The following CTNNA2 variants were observed in gnomAD, a reference collection of about 807,000 sequenced individuals.
The protein encoded by CTNNA2 is catenin alpha-2.
Under a neutral mutation model 101.0 loss-of-function variants are expected in CTNNA2, and 42 were observed. The observed-to-expected ratio is 0.42, with a 90% CI of 0.32 to 0.54. CTNNA2 has a LOEUF of 0.54. Ranked by LOEUF, CTNNA2 falls within the 20% of genes least tolerant of loss-of-function variation. The probability of loss-of-function intolerance (pLI) is 0.14; values close to 1 mark genes in which losing one functional copy is unlikely to be tolerated. For missense variants in CTNNA2, 871 were observed against 1,223.1 expected, an observed-to-expected ratio of 0.71 and a Z score of 4.29; for synonymous variants, 450 against 456.4, an observed-to-expected ratio of 0.99 and a Z score of 0.18.
At chr2:80,489,173 G>A (rs114003764) in intron 9 of CTNNA2, among the ~76,000 whole-genome samples, 2,226 of 152,226 alleles carry the variant, frequency 0.015, 45 homozygotes, top group African/African-American at 0.05. Flanking sequence ...CTCTGAGATG[G>A]ACATTTCTGC....
At chr2:80,212,127 T>C (rs1334714116) in intron 7 of CTNNA2, among the ~76,000 whole-genome samples, 2 of 152,146 alleles carry the variant, frequency 1.3e-5, no homozygotes, top group Non-Finnish European at 2.9e-5. Context: ...GCGGAGACAA[T>C]GGGGTTTTCT....
In CTNNA2 at chr2:80,152,731, CACTA is replaced by C. The variant is rs1487518315; in HGVS notation, c.1057-240477_1057-240474del. On this transcript the variant is annotated intron_variant, in intron 7 of 18. Coordinates refer to ENST00000402739, the MANE Select transcript of CTNNA2 (RefSeq NM_001282597.3). ...AAAAAAAGATTCAGAAAAATTTTCT[CACTA>C]ACACAAATCTGTTATTCATTAAATA... 7.2e-5 allele frequency among the ~76,000 whole-genome samples: 11 copies of C among 151,914 alleles called. No homozygotes were observed. In the South Asian group the frequency reaches 8.3e-4, roughly 11 times the overall value.
At position 80,617,152 on chromosome 2, in the gene CTNNA2, T is replaced by C. The variant is rs752557754; in HGVS notation, c.2431-1933T>C. ...TGGACAATTGCATCATTAATCTTAA[T>C]GAACTTTAAATTTTTTATGAGATGA... On this transcript the variant is annotated intron_variant, in intron 17 of 18. Transcript: ENST00000402739. Among the ~76,000 whole-genome samples, 97 of 151,904 alleles carry C rather than the reference T, an allele frequency of 6.4e-4. No homozygotes were observed. The Middle Eastern group carries it at 0.01, about 16-fold the overall frequency.
At chr2:79,300,832 T>G (rs1239816538) in intron 2 of CTNNA2, among the ~76,000 whole-genome samples, 1 of 152,182 alleles carries the variant, frequency 6.6e-6, no homozygotes, top group Non-Finnish European at 1.5e-5. Flanking sequence ...GATATGTAAA[T>G]CTTATGTCAG....
At chr2:80,349,456 T>C (rs894949374) in intron 7 of CTNNA2, among the ~76,000 whole-genome samples, 1 of 152,140 alleles carries the variant, frequency 6.6e-6, no homozygotes, top group Non-Finnish European at 1.5e-5. Flanking sequence ...AAAAAGGAGA[T>C]CCTGGTAGGG....
In CTNNA2 at chr2:79,362,785, G is replaced by A. The variant is rs13425167; in HGVS notation, c.-317-11046G>A. 1.0e-3 allele frequency among the ~76,000 whole-genome samples: 157 copies of A among 152,288 alleles called. 2 individuals are homozygous for A. The highest frequency in any genetic ancestry group is 3.5e-3 in the African/African-American group (146 of 41,550). On this transcript the variant is annotated intron_variant, in intron 3 of 21. Coordinates refer to the CTNNA2 transcript ENST00000466387. ...AGTGGCAGCTCTACCAGCCTGGATC[G>A]TTGACAAAGGATGACACAGAGCATA...
intron 9 of CTNNA2, among the ~76,000 whole-genome samples, chr2:80,527,316 C>T (rs551686265): frequency 3.3e-5 from 5 of 152,136 alleles, no homozygotes; most frequent in Admixed American, 6.5e-5. Flanking sequence ...AAAAGTGAAG[C>T]GTTTGTGGTA....
intron 2 of CTNNA2, among the ~76,000 whole-genome samples, chr2:79,213,659 C>T (rs550619818): frequency 6.6e-6 from 1 of 152,052 alleles, no homozygotes; most frequent in Non-Finnish European, 1.5e-5. Context: ...GGGTGAATGT[C>T]AGGTGGATCA....
intron 2 of CTNNA2, among the ~76,000 whole-genome samples, chr2:79,239,735 G>T (rs770023529): frequency 5.9e-5 from 9 of 152,114 alleles, no homozygotes; most frequent in East Asian, 1.9e-4. Context: ...CACAGCAAAA[G>T]AAACTATCAT....
Position 79,193,195 on chromosome 2 carries a change from G to A in CTNNA2, c.-523-4764G>A, listed in dbSNP as rs886852259. On this transcript the variant is annotated intron_variant, in intron 1 of 21. Coordinates refer to the CTNNA2 transcript ENST00000466387. Reference sequence around the variant, plus strand: ...TGATATTTTAATTTTTTACTATAATGTATTCATTCTACTTGGGTGGAAATT... The same window carrying A: ...TGATATTTTAATTTTTTACTATAATATATTCATTCTACTTGGGTGGAAATT... 3.3e-5 allele frequency among the ~76,000 whole-genome samples: 5 copies of A among 151,944 alleles called. 1 individual carries two copies. In the South Asian group the frequency reaches 1.0e-3, roughly 32 times the overall value.
intron 9 of CTNNA2, among the ~76,000 whole-genome samples, chr2:80,525,381 G>T (rs1406751465): frequency 6.6e-6 from 1 of 151,746 alleles, no homozygotes; most frequent in South Asian, 2.1e-4. Context: ...GAATGATCTG[G>T]ATTTCCCCTT....
At chr2:79,870,075 C>A in intron 5 of CTNNA2, 140 bp downstream of exon 5, 2 of 1,061,058 alleles carry the variant, frequency 1.9e-6, no homozygotes, top group Non-Finnish European at 2.7e-6. Context: ...AAGGTTGCTT[C>A]CTGCAGGGGC....
intron 1 of CTNNA2, among the ~76,000 whole-genome samples, chr2:79,557,481 T>A (rs1031645899): frequency 1.3e-5 from 2 of 151,394 alleles, no homozygotes; most frequent in Non-Finnish European, 3.0e-5. Context: ...AAAAAAAAAA[T>A]GACCTACACT....
chr2:79,428,900 G>C (rs1678621831), intron 4 of CTNNA2, among the ~76,000 whole-genome samples: 1 of 152,120 alleles, frequency 6.6e-6, no homozygotes, highest in South Asian at 2.1e-4. Flanking sequence ...GAGAGATCCA[G>C]CCTCTCAATG....
intron 12 of CTNNA2, among the ~76,000 whole-genome samples, chr2:80,569,153 C>G (rs948863178): frequency 1.3e-5 from 2 of 152,104 alleles, no homozygotes; most frequent in African/African-American, 4.8e-5. Flanking sequence ...TGTTCTGAAA[C>G]TTCATCCCTG....
intron 4 of CTNNA2, among the ~76,000 whole-genome samples, chr2:79,450,881 C>T (rs1670736040): frequency 6.6e-6 from 1 of 152,014 alleles, no homozygotes; most frequent in Non-Finnish European, 1.5e-5. Flanking sequence ...CAGTTCAGGG[C>T]CTAGGTGGTT....
chr2:79,758,838 A>G (rs1483566344), intron 3 of CTNNA2, among the ~76,000 whole-genome samples: 1 of 152,166 alleles, frequency 6.6e-6, no homozygotes, highest in Non-Finnish European at 1.5e-5. Context: ...TCTATATCCA[A>G]TCCACTGTTG....
intron 1 of CTNNA2, among the ~76,000 whole-genome samples, chr2:79,560,685 A>G (rs561787517): frequency 6.6e-6 from 1 of 152,048 alleles, no homozygotes; most frequent in South Asian, 2.1e-4. Context: ...AATTTCAGAG[A>G]AAAGAGTATG....
chr2:80,589,347 C>A lies in CTNNA2; in HGVS notation c.2051C>A (p.Ala684Asp), dbSNP rs1283598121. The A allele has an allele frequency of 6.2e-7, 1 of 1,614,068 alleles. No homozygotes were observed. The change falls in exon 15 of 19, where the codon GCT becomes GAT. Residue 684 changes from alanine (A) to aspartate (D), a missense_variant. Ala to Asp is a moderately radical substitution (Grantham distance 126). This residue lies in a region of CTNNA2 where 93 missense variants were observed against 223.7 expected (regional missense o/e 0.42). Transcript: ENST00000402739. ...QLPQEEKAKI[A>D]EQVEIFHQEK... Reference sequence around the variant, plus strand: ...CCGCAGGAGGAGAAGGCAAAAATAGCTGAGCAGGTGGAGATATTCCATCAA... The same window carrying A: ...CCGCAGGAGGAGAAGGCAAAAATAGATGAGCAGGTGGAGATATTCCATCAA...
Sources: allele counts gnomAD v4.1 joint callset (sites outside exome capture counted in the v4.1 genomes callset), GRCh38; gene constraint gnomAD v4.1.1; regional missense constraint gnomAD v4.1.1; transcripts MANE v1.5; gene names NCBI Gene and HGNC (gene_info 2026-07-23, HGNC 2026-07-21).